Variants in CILK1 observed in about 807,000 individuals in gnomAD.
CILK1 encodes serine/threonine-protein kinase ICK.
CILK1 carries 47 observed loss-of-function variants against 79.2 expected under a neutral mutation model. The ratio of observed to expected loss-of-function variants is 0.59; its 90% CI spans 0.47 to 0.76. The LOEUF (loss-of-function observed/expected upper bound fraction) is 0.76. Ranked by LOEUF, CILK1 falls within the 30% of genes least tolerant of loss-of-function variation. CILK1 has a pLI of 0.00. For synonymous variants in CILK1, 266 were observed against 275.9 expected, an observed-to-expected ratio of 0.96 and a Z score of 0.36; for missense variants, 660 against 769.5, an observed-to-expected ratio of 0.86 and a Z score of 1.68.
chr6:53,055,919 T>G (rs1456136146), intron 1 of CILK1, among the ~76,000 whole-genome samples: 5 of 152,148 alleles, frequency 3.3e-5, no homozygotes, highest in African/African-American at 9.7e-5. Flanking sequence ...CTGCCATGTG[T>G]GAAACTGTAG....
At chr6:53,012,386 T>G (rs1764627813) in intron 9 of CILK1, among the ~76,000 whole-genome samples, 159 bp from the exon 10 acceptor site, 1 of 152,178 alleles carries the variant, frequency 6.6e-6, no homozygotes, top group South Asian at 2.1e-4. Flanking sequence ...ATTCCCAATC[T>G]TTCTGTCTCA....
chr6:53,020,219 C>T (rs1226128601), intron 5 of CILK1, among the ~76,000 whole-genome samples: 1 of 152,170 alleles, frequency 6.6e-6, no homozygotes, highest in Non-Finnish European at 1.5e-5. Context: ...TATAGCAGAG[C>T]TCTGGAGGTA....
intron 6 of CILK1, among the ~76,000 whole-genome samples, chr6:53,018,848 G>A (rs1315463948): frequency 2.0e-5 from 3 of 152,206 alleles, no homozygotes; most frequent in African/African-American, 7.2e-5. Context: ...TACAACTTGT[G>A]TGTAGACTAC....
chr6:53,037,242 G>C (rs72932992), intron 3 of CILK1, among the ~76,000 whole-genome samples: 4,902 of 152,148 alleles, frequency 0.032, 140 homozygotes, highest in Non-Finnish European at 0.043. Context: ...AGAAAAATTG[G>C]AACAAAATCA....
At chr6:53,034,077 T>G (rs1007591184) in intron 3 of CILK1, among the ~76,000 whole-genome samples, 1 of 152,206 alleles carries the variant, frequency 6.6e-6, no homozygotes, top group Non-Finnish European at 1.5e-5. Context: ...TTCACTAAAC[T>G]CTCAGTGATC....
At position 53,018,401 on chromosome 6, in the gene CILK1, G is replaced by A. The variant is rs754775999; in HGVS notation, c.592C>T (p.Pro198Ser). The A allele has an allele frequency of 1.2e-6, 2 of 1,614,150 alleles. No homozygotes were observed. Among genetic ancestry groups the A allele is most frequent in the Admixed American group, 1.7e-5 (1 of 60,014 alleles). ...CIMAEVYTLR[P>S]LFPGASEIDT... ...ATTTCACTGGCTCCAGGGAAGAGTG[G>A]CCTGAGGGTGTAAACTTCTGCCATG... is the stretch of plus-strand genomic sequence containing the variant. Residue 198 changes from proline to serine, a missense_variant, in exon 7 of 14, where the codon CCA becomes TCA. Pro to Ser is a moderately conservative substitution (Grantham distance 74). Transcript: ENST00000676107.
At chr6:53,037,652 G>A (rs1053975460) in intron 3 of CILK1, among the ~76,000 whole-genome samples, 6 of 152,192 alleles carry the variant, frequency 3.9e-5, no homozygotes, top group Admixed American at 1.3e-4. Context: ...TTTCCTTTAC[G>A]TTAATAATTA....
intron 6 of CILK1, 141 bp from the exon 7 acceptor site, chr6:53,018,642 T>A (rs1765037782): frequency 2.4e-6 from 2 of 822,920 alleles, no homozygotes; most frequent in African/African-American, 3.5e-5. Flanking sequence ...TTGTGAGAAC[T>A]TGGCAACTGC....
chr6:53,038,859 T>C (rs1766522329), intron 2 of CILK1, among the ~76,000 whole-genome samples: 1 of 152,212 alleles, frequency 6.6e-6, no homozygotes, highest in African/African-American at 2.4e-5. Flanking sequence ...AGAGCCTCAA[T>C]GGAGAAAAGA....
At chr6:53,022,816 C>G (rs1765329406) in intron 5 of CILK1, among the ~76,000 whole-genome samples, 1 of 152,178 alleles carries the variant, frequency 6.6e-6, no homozygotes, top group East Asian at 1.9e-4. Context: ...CCATGCCAGG[C>G]AACAGATTAG....
At chr6:53,037,824 C>T in intron 3 of CILK1, 115 bp downstream of exon 3, 1 of 681,014 alleles carries the variant, frequency 1.5e-6, no homozygotes, top group Non-Finnish European at 2.6e-6. Flanking sequence ...ATTTGCCTCC[C>T]TTTCCAGCAT....
intron 4 of CILK1, among the ~76,000 whole-genome samples, chr6:53,031,835 C>T (rs1765982668): frequency 6.6e-6 from 1 of 152,054 alleles, no homozygotes; most frequent in Admixed American, 6.6e-5. Flanking sequence ...GGATGAATAA[C>T]TCTTCTTTTT....
At chr6:53,032,695 GAGAA>G (rs1183606845) in intron 3 of CILK1, 41 bp from the exon 4 acceptor site, 4 of 1,523,370 alleles carry the variant, frequency 2.6e-6, no homozygotes, top group Non-Finnish European at 3.6e-6. Context: ...ACAAATATTA[GAGAA>G]AATCTGTTGT....
At position 53,013,896 on chromosome 6, in the gene CILK1, G is replaced by A. The variant is rs1764741856; in HGVS notation, c.918C>T (p.Gly306=). The A allele has an allele frequency of 6.2e-7, 1 of 1,613,966 alleles. No individual in the cohort carries two copies. The highest frequency in any genetic ancestry group is 1.3e-5 in the African/African-American group (1 of 74,898). ...GAGGTGGGCCTGCCTTTTCCAGGAT[G>A]CCTTTCTGTGGTTTTTCTGAATCCT... The part of the protein sequence containing the change: ...NLQDSEKPQK[G]ILEKAGPPPY... Residue 306 remains glycine, a synonymous_variant, in exon 9 of 14, where the codon GGC becomes GGT. Transcript: ENST00000676107.
chr6:53,039,319 T>C (rs1766556172), intron 2 of CILK1, among the ~76,000 whole-genome samples: 1 of 152,210 alleles, frequency 6.6e-6, no homozygotes, highest in Non-Finnish European at 1.5e-5. Context: ...AGCCAAATGA[T>C]GCAGCAATTT....
At chr6:53,039,119 C>T (rs1388551324) in intron 2 of CILK1, among the ~76,000 whole-genome samples, 2 of 152,130 alleles carry the variant, frequency 1.3e-5, no homozygotes, top group South Asian at 2.1e-4. Context: ...TATTCATGCC[C>T]GAAATATTAT....
intron 1 of CILK1, among the ~76,000 whole-genome samples, chr6:53,055,863 AAAAAAAT>A (rs1281977153): frequency 3.4e-4 from 51 of 152,162 alleles, no homozygotes; most frequent in Non-Finnish European, 1.3e-4. Context: ...CGAAATGTTA[AAAAAAAT>A]AAAAAATAAA....
At chr6:53,052,781 T>C (rs576827420) in intron 1 of CILK1, among the ~76,000 whole-genome samples, 1 of 151,838 alleles carries the variant, frequency 6.6e-6, no homozygotes, top group Admixed American at 6.6e-5. Flanking sequence ...TATAAATCCC[T>C]ATTTGGAGCT....
At chr6:53,028,864 G>A (rs948317346) in intron 5 of CILK1, among the ~76,000 whole-genome samples, 1 of 151,706 alleles carries the variant, frequency 6.6e-6, no homozygotes, top group Non-Finnish European at 1.5e-5. Context: ...GTATATGTAG[G>A]CATATATGCA....
Sources: gnomAD v4.1 joint callset for allele counts (sites outside exome capture counted in the v4.1 genomes callset) on GRCh38, gnomAD v4.1.1 for gene constraint, MANE v1.5 for transcripts, NCBI Gene and HGNC (gene_info 2026-07-23, HGNC 2026-07-21) for gene names.